Variants in SNX27 observed in about 807,000 individuals in gnomAD.
SNX27 encodes the protein sorting nexin-27.
In SNX27, 22 loss-of-function variants were observed where a neutral mutation model predicts 71.6. That is an observed-to-expected ratio of 0.31 (90% CI 0.22 to 0.44). The LOEUF (loss-of-function observed/expected upper bound fraction) is 0.44, where lower values mean the gene tolerates loss of function less well. Among genes scored for constraint, SNX27 ranks in the 20% least tolerant of loss-of-function variants. The probability of loss-of-function intolerance (pLI) is 1.00; values close to 1 mark genes in which losing one functional copy is unlikely to be tolerated. For missense variants in SNX27, 531 were observed against 698.6 expected (o/e 0.76, Z 2.70); for synonymous variants, 269 against 277.2 (o/e 0.97, Z 0.29).
rs181151377 is a variant in SNX27, at chr1:151,648,432, T to C, written c.543+9313T>C. On this transcript the variant is annotated intron_variant, in intron 2 of 11. Coordinates refer to ENST00000458013, the MANE Select transcript of SNX27 (RefSeq NM_001330723.2). ...TTACCATTTCTTTCTTTCTTTCTTT[T>C]TTTTGAGACGGAGTTTTGCTCTTTT... Among the ~76,000 whole-genome samples the C allele has an allele frequency of 8.7e-4, 132 of 152,206 alleles. 2 individuals carry two copies. The East Asian group carries it at 0.015, about 17-fold the overall frequency.
chr1:151,644,439 T>C lies in SNX27; in HGVS notation c.543+5320T>C, dbSNP rs376928127. On this transcript the variant is annotated intron_variant, in intron 2 of 11. Transcript: ENST00000458013. Reference sequence around the variant, plus strand: ...CTCAGCATAATATTTTTGAGGCTTATTCAAGTTGTAGCATGCATCAGTACT... The same window carrying C: ...CTCAGCATAATATTTTTGAGGCTTACTCAAGTTGTAGCATGCATCAGTACT... Among the ~76,000 whole-genome samples, 18 of 152,356 alleles carry C rather than the reference T, an allele frequency of 1.2e-4. No homozygotes were observed. The South Asian group carries it at 1.2e-3, about 11-fold the overall frequency.
chr1:151,621,063 G>C (rs1333818956), intron 1 of SNX27, among the ~76,000 whole-genome samples: 1 of 152,088 alleles, frequency 6.6e-6, no homozygotes. Context: ...CTGAAGACGG[G>C]GGGGAAACTT....
intron 7 of SNX27, among the ~76,000 whole-genome samples, chr1:151,670,752 A>T (rs559396137): frequency 1.1e-4 from 17 of 151,616 alleles, no homozygotes; most frequent in African/African-American, 3.6e-4. Context: ...CACTTTGTTG[A>T]TTGTTTCCTT....
intron 1 of SNX27, among the ~76,000 whole-genome samples, chr1:151,635,915 A>T (rs74125847): frequency 7.0e-4 from 106 of 152,274 alleles, no homozygotes; most frequent in African/African-American, 2.4e-3. Flanking sequence ...AGTTTCTCTG[A>T]CGATTTTCAG....
At chr1:151,650,948 CAGA>C (rs1013142915) in intron 2 of SNX27, among the ~76,000 whole-genome samples, 12 of 152,238 alleles carry the variant, frequency 7.9e-5, no homozygotes, top group South Asian at 4.1e-4. Flanking sequence ...GATCCCAAGG[CAGA>C]AGAAGTTTTC....
intron 7 of SNX27, chr1:151,679,160 T>G (rs1163467898): frequency 6.6e-6 from 1 of 152,230 alleles, no homozygotes; most frequent in Non-Finnish European, 1.5e-5. Context: ...ATTTAACGAA[T>G]TTCACAGTTC....
At position 151,696,063 on chromosome 1, in the gene SNX27, A is replaced by G. The variant is rs12067057; in HGVS notation, c.*1646A>G. 0.02 allele frequency: 3,007 copies of G among 152,316 alleles called. 101 individuals are homozygous for G. The highest frequency in any genetic ancestry group is 0.068 in the African/African-American group (2,805 of 41,542). 9.4% of individuals were successfully genotyped at this position (152,316 alleles called of 1,614,324 possible). A position where few individuals can be genotyped will look rare whatever the true frequency, so the allele number is the denominator to read the frequency against. ...ATGGTTGATTAGATTGGATCTCCCA[A>G]GTTTTAATTGAAAGGAGACTGAACG... On this transcript the variant is annotated 3_prime_UTR_variant, in exon 12 of 12. Coordinates refer to ENST00000458013, the MANE Select transcript of SNX27 (RefSeq NM_001330723.2).
chr1:151,650,373 A>G (rs1669268125), intron 2 of SNX27, among the ~76,000 whole-genome samples: 1 of 151,892 alleles, frequency 6.6e-6, no homozygotes, highest in South Asian at 2.1e-4. Flanking sequence ...TCATTTTTAC[A>G]TGTCTAGGTG....
At chr1:151,663,450 C>A (rs756054541) in intron 5 of SNX27, among the ~76,000 whole-genome samples, 1 of 151,974 alleles carries the variant, frequency 6.6e-6, no homozygotes, top group Non-Finnish European at 1.5e-5. Flanking sequence ...ACCCCGGCCT[C>A]ACATTTGATT....
At chr1:151,646,962 C>A (rs909439394) in intron 2 of SNX27, among the ~76,000 whole-genome samples, 5 of 151,750 alleles carry the variant, frequency 3.3e-5, no homozygotes, top group African/African-American at 1.2e-4. Flanking sequence ...TTCCCCCCGC[C>A]ATCCTTTGTG....
chr1:151,624,483 G>A (rs1340567710), intron 1 of SNX27, among the ~76,000 whole-genome samples: 3 of 146,888 alleles, frequency 2.0e-5, no homozygotes, highest in Non-Finnish European at 4.5e-5. Context: ...CCAGGCTGGA[G>A]TGCAGTGGCG....
At chr1:151,676,255 A>C (rs927647466) in intron 7 of SNX27, 1 of 82,024 alleles carries the variant, frequency 1.2e-5, no homozygotes, top group Non-Finnish European at 2.6e-5. Context: ...TTTTGTTTTT[A>C]TCTTAGTGCT....
Position 151,696,640 on chromosome 1 carries a change from C to G in SNX27, c.*2223C>G, listed in dbSNP as rs1671747038. 7.1e-6 allele frequency: 1 copy of G among 140,528 alleles called. No individual in the cohort carries two copies. Among genetic ancestry groups the G allele is most frequent in the Non-Finnish European group, 1.5e-5 (1 of 66,682 alleles). The allele number at this position is 140,528 out of a possible 1,614,324, so 8.7% of individuals were successfully genotyped here. A position where few individuals can be genotyped will look rare whatever the true frequency, so the allele number is the denominator to read the frequency against. On this transcript the variant is annotated 3_prime_UTR_variant, in exon 12 of 12. Coordinates refer to ENST00000458013, the MANE Select transcript of SNX27 (RefSeq NM_001330723.2). Reference sequence around the variant, plus strand: ...CACTTTTCTTTCCCCTTCCTTCCTTCCTTTTTTTCTGTTTTTTTTTTTTTT... The same window carrying G: ...CACTTTTCTTTCCCCTTCCTTCCTTGCTTTTTTTCTGTTTTTTTTTTTTTT...
rs189604143 is a variant in SNX27 at position 151,694,615 on chromosome 1, C to G, written c.*198C>G. 1.9e-4 allele frequency: 95 copies of G among 504,054 alleles called. No homozygotes were observed. The highest frequency in any genetic ancestry group is 2.1e-4 in the Non-Finnish European group (64 of 298,198). The allele number at this position is 504,054 out of a possible 1,614,324, so 31.2% of individuals were successfully genotyped here. ...ATTGAGGTGGTAGTGAACAGCAGAT[C>G]GGTCAGCACCAGAAGTCAACTGAGT... On this transcript the variant is annotated 3_prime_UTR_variant, in exon 12 of 12. Coordinates refer to ENST00000458013, the MANE Select transcript of SNX27 (RefSeq NM_001330723.2).
rs1249164991 is a variant in SNX27 at position 151,696,513 on chromosome 1, C to T, written c.*2096C>T. 2 of 141,300 alleles carry T rather than the reference C, an allele frequency of 1.4e-5. No homozygotes were observed. Among genetic ancestry groups the T allele is most frequent in the African/African-American group, 2.8e-5 (1 of 35,246 alleles). 8.8% of individuals were successfully genotyped at this position (141,300 alleles called of 1,614,324 possible). A position where few individuals can be genotyped will look rare whatever the true frequency, so the allele number is the denominator to read the frequency against. ...TCTTTCTTTCTTTCTTTCGTTCTTT[C>T]GTTCTTTCGTTCTTTCTTTCTTTCT... On this transcript the variant is annotated 3_prime_UTR_variant, in exon 12 of 12. Transcript: ENST00000458013.
chr1:151,652,144 C>T (rs1383591221), intron 2 of SNX27, among the ~76,000 whole-genome samples: 1 of 143,544 alleles, frequency 7.0e-6, no homozygotes, highest in Non-Finnish European at 1.5e-5. Flanking sequence ...GGCAGCAGTA[C>T]AGTCCAGCTT....
rs1667258837 is a variant in SNX27, at chr1:151,612,959, C to T, written c.311+447C>T. On this transcript the variant is annotated intron_variant, in intron 1 of 11. Transcript: ENST00000458013. This position sits in a 1 kb window ranked among gnomAD's most constrained non-coding sequence, Gnocchi z 5.2. Reference sequence around the variant, plus strand: ...TCATCTTCAGCATCGCAGTTTCGTTCTCCACCACTCCCCTCCGCCCCCGTG... The same window carrying T: ...TCATCTTCAGCATCGCAGTTTCGTTTTCCACCACTCCCCTCCGCCCCCGTG... Among the ~76,000 whole-genome samples the T allele has an allele frequency of 1.3e-5, 2 of 151,868 alleles. No homozygotes were observed. Among genetic ancestry groups the T allele is most frequent in the Non-Finnish European group, 2.9e-5 (2 of 68,000 alleles).
intron 4 of SNX27, 87 bp from the exon 5 acceptor site, chr1:151,662,079 G>A (rs1388899500): frequency 4.7e-6 from 4 of 849,300 alleles, no homozygotes; most frequent in African/African-American, 3.4e-5. Flanking sequence ...TCTCTACCAC[G>A]TTTTAGGTTA....
intron 7 of SNX27, among the ~76,000 whole-genome samples, chr1:151,671,799 C>G (rs927146969): frequency 6.6e-6 from 1 of 151,862 alleles, no homozygotes; most frequent in African/African-American, 2.4e-5. Flanking sequence ...ATTTCTTTTT[C>G]AGATTGTTCA....
Sources: allele counts gnomAD v4.1 joint callset (sites outside exome capture counted in the v4.1 genomes callset), GRCh38; gene constraint gnomAD v4.1.1; non-coding constraint Gnocchi (gnomAD v3.1); transcripts MANE v1.5; gene names NCBI Gene and HGNC (gene_info 2026-07-23, HGNC 2026-07-21).